The following SLC14A2 variants were observed in gnomAD, a reference collection of about 807,000 sequenced individuals.
The protein encoded by SLC14A2 is solute carrier family 14 member 2, also known as urea transporter 2.
SLC14A2 carries 91 observed loss-of-function variants against 104.6 expected under a neutral mutation model. The observed-to-expected ratio is 0.87, with a 90% CI of 0.73 to 1.04. SLC14A2 has a LOEUF of 1.04. Ranked by LOEUF, SLC14A2 falls within the 50% of genes least tolerant of loss-of-function variation. The pLI is 0.00. For missense variants in SLC14A2, 1,189 were observed against 1,156.0 expected, an observed-to-expected ratio of 1.03 and a Z score of -0.41; for synonymous variants, 476 against 466.4, an observed-to-expected ratio of 1.02 and a Z score of -0.27.
intron 2 of SLC14A2, among the ~76,000 whole-genome samples, chr18:45,601,023 G>A (rs2044783341): frequency 6.6e-6 from 1 of 152,096 alleles, no homozygotes; most frequent in East Asian, 1.9e-4. Context: ...TGGGAGGGGG[G>A]ACCAAGACTC....
At chr18:45,267,013 G>A (rs2084598594) in intron 1 of SLC14A2, among the ~76,000 whole-genome samples, 1 of 152,154 alleles carries the variant, frequency 6.6e-6, no homozygotes, top group Non-Finnish European at 1.5e-5. Context: ...GTACATTAAT[G>A]TGGAAGCTTT....
intron 1 of SLC14A2, among the ~76,000 whole-genome samples, chr18:45,424,603 T>C (rs1256882016): frequency 6.6e-6 from 1 of 152,240 alleles, no homozygotes; most frequent in East Asian, 1.9e-4. Context: ...TGCTTTTTCA[T>C]TGCTCATCAA....
At chr18:45,655,599 C>T (rs535196386) in intron 10 of SLC14A2, among the ~76,000 whole-genome samples, 3 of 152,264 alleles carry the variant, frequency 2.0e-5, no homozygotes, top group African/African-American at 7.2e-5. Context: ...CAATTAGCTA[C>T]GTCTGCCATA....
chr18:45,275,145 A>G (rs1006499392), intron 1 of SLC14A2, among the ~76,000 whole-genome samples: 4 of 152,214 alleles, frequency 2.6e-5, no homozygotes, highest in African/African-American at 9.6e-5. Flanking sequence ...TTCAGGGAAC[A>G]TGTGGTAGTT....
At chr18:45,198,120 C>G in the SLC14A2 span, among the ~76,000 whole-genome samples, 2 of 152,050 alleles carry the variant, frequency 1.3e-5, no homozygotes, top group African/African-American at 2.4e-5. Context: ...CCTATAGCTA[C>G]CTGGGTGCTT....
intron 2 of SLC14A2, among the ~76,000 whole-genome samples, chr18:45,509,610 G>T (rs1307652619): frequency 6.6e-6 from 1 of 152,124 alleles, no homozygotes; most frequent in Admixed American, 6.5e-5. Context: ...AAATAAACTG[G>T]GCAGAATGGA....
chr18:45,456,751 CT>C (rs10711605), intron 1 of SLC14A2, among the ~76,000 whole-genome samples: 106,686 of 141,870 alleles, frequency 0.75, 40,124 homozygotes, highest in South Asian at 0.9. Context: ...CCCCAGGAGA[CT>C]TTTTTTTTTT....
intron 1 of SLC14A2, among the ~76,000 whole-genome samples, chr18:45,224,767 G>C (rs1391900068): frequency 6.6e-6 from 1 of 152,186 alleles, no homozygotes; most frequent in East Asian, 1.9e-4. Context: ...CAGCTAGTAA[G>C]TGACAGACCT....
At chr18:45,287,495 G>T (rs550725864) in intron 1 of SLC14A2, among the ~76,000 whole-genome samples, 29 of 152,302 alleles carry the variant, frequency 1.9e-4, no homozygotes, top group Non-Finnish European at 8.8e-5. Flanking sequence ...TGAGACTGGG[G>T]GAGTTCATGG....
At chr18:45,479,438 A>G (rs1250287719) in intron 1 of SLC14A2, among the ~76,000 whole-genome samples, 1 of 152,182 alleles carries the variant, frequency 6.6e-6, no homozygotes, top group Non-Finnish European at 1.5e-5. Flanking sequence ...ATTCTCCTTG[A>G]TCTTCCTTGC....
At chr18:45,188,750 G>C in the SLC14A2 span, among the ~76,000 whole-genome samples, 1 of 152,182 alleles carries the variant, frequency 6.6e-6, no homozygotes, top group Non-Finnish European at 1.5e-5. Flanking sequence ...TTCTGCCTTA[G>C]ATGGAGTATG....
chr18:45,240,091 C>CTTTTTTTTTT (rs763802776), intron 1 of SLC14A2, among the ~76,000 whole-genome samples: 2 of 89,638 alleles, frequency 2.2e-5, no homozygotes, highest in African/African-American at 5.0e-5. Context: ...GCAAATATCT[C>CTTTTTTTTTT]TTTTTTTTTT....
intron 1 of SLC14A2, among the ~76,000 whole-genome samples, chr18:45,240,091 CTTTT>C (rs763802776): frequency 6.7e-5 from 6 of 89,646 alleles, no homozygotes; most frequent in Admixed American, 1.4e-4. Flanking sequence ...GCAAATATCT[CTTTT>C]TTTTTTTTTT....
rs2084111222 is a variant in SLC14A2 at position 45,225,908 on chromosome 18, C to T, written c.-125+12717C>T. Among the ~76,000 whole-genome samples the T allele has an allele frequency of 3.9e-5, 6 of 152,058 alleles. No homozygotes were observed. In the South Asian group the frequency reaches 1.0e-3, roughly 26 times the overall value. ...TTTTGGGCTGAGACAATGGGGTTTT[C>T]TACATATACAGTCCTGTCATCTGCA... On this transcript the variant is annotated intron_variant, in intron 1 of 20. Transcript: ENST00000586448.
At chr18:45,189,459 C>A in the SLC14A2 span, among the ~76,000 whole-genome samples, 1 of 151,912 alleles carries the variant, frequency 6.6e-6, no homozygotes, top group Non-Finnish European at 1.5e-5. Flanking sequence ...ATCTGGCAGC[C>A]AAATGTAAGA....
intron 2 of SLC14A2, among the ~76,000 whole-genome samples, chr18:45,610,057 A>T (rs2044946581): frequency 6.6e-6 from 1 of 152,198 alleles, no homozygotes; most frequent in African/African-American, 2.4e-5. Context: ...ATTGTAAAAT[A>T]AATGAAGATA....
At chr18:45,645,748 A>G (rs2045614315) in intron 10 of SLC14A2, among the ~76,000 whole-genome samples, 1 of 151,996 alleles carries the variant, frequency 6.6e-6, no homozygotes, top group African/African-American at 2.4e-5. Flanking sequence ...TCATTATAGC[A>G]TAAAAGTAGC....
intron 1 of SLC14A2, among the ~76,000 whole-genome samples, chr18:45,472,816 T>C (rs111354786): frequency 3.6e-4 from 55 of 152,336 alleles, no homozygotes; most frequent in Non-Finnish European, 6.0e-4. Flanking sequence ...TTTTCTTCCA[T>C]TCTGCAGGTT....
At chr18:45,491,000 C>T (rs1324459542) in intron 2 of SLC14A2, among the ~76,000 whole-genome samples, 1 of 152,130 alleles carries the variant, frequency 6.6e-6, no homozygotes, top group Non-Finnish European at 1.5e-5. Context: ...GCACTGCCAT[C>T]CTAGAGGAAG....
Sources: gnomAD v4.1 joint callset for allele counts (sites outside exome capture counted in the v4.1 genomes callset) on GRCh38, gnomAD v4.1.1 for gene constraint, MANE v1.5 for transcripts, NCBI Gene and HGNC (gene_info 2026-07-23, HGNC 2026-07-21) for gene names.